The following GRM5 variants were observed in gnomAD, a reference collection of about 807,000 sequenced individuals.
GRM5 encodes metabotropic glutamate receptor 5.
Under a neutral mutation model 83.1 loss-of-function variants are expected in GRM5, and 19 were observed. The ratio of observed to expected loss-of-function variants is 0.23; its 90% confidence interval spans 0.16 to 0.34. GRM5 has a LOEUF of 0.34. Ranked by LOEUF, GRM5 falls within the 10% of genes least tolerant of loss-of-function variation. GRM5 has a pLI of 1.00. For missense variants in GRM5, 1,160 were observed against 1,588.3 expected (o/e 0.73, Z 4.58); for synonymous variants, 675 against 633.6 (o/e 1.07, Z -0.98).
chr11:88,650,747 A>C (rs1939610245), intron 4 of GRM5, among the ~76,000 whole-genome samples: 1 of 152,028 alleles, frequency 6.6e-6, no homozygotes, highest in South Asian at 2.1e-4. Flanking sequence ...TATATAATGC[A>C]GATTTGATGG....
At chr11:88,806,674 T>G (rs994566638) in intron 3 of GRM5, among the ~76,000 whole-genome samples, 1 of 152,176 alleles carries the variant, frequency 6.6e-6, no homozygotes, top group Non-Finnish European at 1.5e-5. Context: ...TACCTAATTA[T>G]GGAGTAGATC....
At chr11:88,888,452 G>A (rs973322170) in intron 2 of GRM5, among the ~76,000 whole-genome samples, 1 of 152,126 alleles carries the variant, frequency 6.6e-6, no homozygotes, top group African/African-American at 2.4e-5. Flanking sequence ...CTAATGGGAA[G>A]CCCCAGACTC....
Position 88,665,162 on chromosome 11 carries a change from T to TACACACACACACACATAC in GRM5, c.912-11760_912-11759insGTATGTGTGTGTGTGTGT, listed in dbSNP as rs1554990145. 8.7e-4 allele frequency among the ~76,000 whole-genome samples: 123 copies of TACACACACACACACATAC among 141,008 alleles called. 1 individual carries two copies. Among genetic ancestry groups the TACACACACACACACATAC allele is most frequent in the Middle Eastern group, 3.5e-3 (1 of 282 alleles). The allele number at this position is 141,008 out of a possible 152,430, so 92.5% of individuals were successfully genotyped here. On this transcript the variant is annotated intron_variant, in intron 3 of 9. Transcript: ENST00000305447. ...GATAGAAGAGATAATTTAATTTATT[T>TACACACACACACACATAC]ACACACACACACACACACACACACA...
intron 3 of GRM5, among the ~76,000 whole-genome samples, chr11:88,777,662 T>A (rs968810502): frequency 6.6e-6 from 1 of 152,368 alleles, no homozygotes; most frequent in Admixed American, 6.5e-5. Flanking sequence ...TTTCTTTGTG[T>A]TTGTTAGTTT....
intron 3 of GRM5, among the ~76,000 whole-genome samples, chr11:88,658,453 T>C (rs1459280495): frequency 6.6e-6 from 1 of 152,156 alleles, no homozygotes; most frequent in Non-Finnish European, 1.5e-5. Context: ...AAAATGCAAT[T>C]GACAGCATCA....
chr11:89,016,766 A>C (rs1003179990), intron 2 of GRM5, among the ~76,000 whole-genome samples: 2 of 152,138 alleles, frequency 1.3e-5, no homozygotes, highest in Non-Finnish European at 2.9e-5. Flanking sequence ...GGCTCCTGAA[A>C]TTTAGTATAT....
At chr11:88,751,094 AAC>A (rs1231301830) in intron 3 of GRM5, among the ~76,000 whole-genome samples, 165 of 139,430 alleles carry the variant, frequency 1.2e-3, no homozygotes, top group African/African-American at 4.2e-3. Context: ...AAAAAAAAAA[AAC>A]AAAGAACAAA....
rs575499344 is a variant in GRM5 at position 88,862,104 on chromosome 11, T to C, written c.662-11949A>G. 7.9e-5 allele frequency among the ~76,000 whole-genome samples: 12 copies of C among 152,290 alleles called. No individual in the cohort carries two copies. In the South Asian group the frequency reaches 2.5e-3, roughly 32 times the overall value. ...TCATTGTGATATAAAAGCACTAAAC[T>C]GGGCTAAGATAAGATATATTATCAA... is the stretch of plus-strand genomic sequence containing the variant. On this transcript the variant is annotated intron_variant, in intron 2 of 9. Coordinates refer to ENST00000305447, the MANE Select transcript of GRM5 (RefSeq NM_001143831.3).
At chr11:88,992,302 G>C (rs1591028434) in intron 2 of GRM5, among the ~76,000 whole-genome samples, 1 of 151,910 alleles carries the variant, frequency 6.6e-6, no homozygotes, top group African/African-American at 2.4e-5. Flanking sequence ...AAATGTAAAT[G>C]AAAACCACAA....
chr11:88,506,560 GC>G lies in GRM5; in HGVS notation c.*2031del, dbSNP rs1213864428. The G allele has an allele frequency of 1.3e-5, 2 of 152,114 alleles. No individual in the cohort carries two copies. The highest frequency in any genetic ancestry group is 2.9e-5 in the Non-Finnish European group (2 of 68,020). 9.4% of individuals were successfully genotyped at this position (152,114 alleles called of 1,614,324 possible). A position where few individuals can be genotyped will look rare whatever the true frequency, so the allele number is the denominator to read the frequency against. On this transcript the variant is annotated 3_prime_UTR_variant, in exon 10 of 10. Coordinates refer to ENST00000305447, the MANE Select transcript of GRM5 (RefSeq NM_001143831.3). ...GCTAGATTTCACTTACATTTTAAAAGCCTCGGTGTAATATTTGGGATCAGGG... is the reference window on the plus strand; with the variant it reads ...GCTAGATTTCACTTACATTTTAAAAGCTCGGTGTAATATTTGGGATCAGGG...
chr11:88,579,820 A>G (rs770288643), intron 7 of GRM5, among the ~76,000 whole-genome samples: 3 of 152,204 alleles, frequency 2.0e-5, no homozygotes, highest in African/African-American at 4.8e-5. Flanking sequence ...ATGGAGTAAC[A>G]TGACCTGGCT....
chr11:88,583,564 G>T (rs752050276), intron 7 of GRM5, among the ~76,000 whole-genome samples: 4 of 152,142 alleles, frequency 2.6e-5, no homozygotes, highest in Non-Finnish European at 5.9e-5. Context: ...GGCTATTTTT[G>T]CTCTTTCCTT....
chr11:89,059,524 C>A (rs939009143), intron 1 of GRM5, among the ~76,000 whole-genome samples: 4 of 151,844 alleles, frequency 2.6e-5, no homozygotes, highest in African/African-American at 9.7e-5. Flanking sequence ...TCAGATGATC[C>A]TAGATTTAAA....
chr11:88,575,552 G>A (rs1389224226), intron 7 of GRM5, among the ~76,000 whole-genome samples: 1 of 152,184 alleles, frequency 6.6e-6, no homozygotes, highest in East Asian at 1.9e-4. Context: ...GCTAGTGGTG[G>A]CATAAATATT....
At chr11:88,690,363 A>T (rs1316667447) in intron 3 of GRM5, among the ~76,000 whole-genome samples, 1 of 152,158 alleles carries the variant, frequency 6.6e-6, no homozygotes, top group East Asian at 1.9e-4. Context: ...AAACTCCATC[A>T]TTATGGGAAG....
intron 3 of GRM5, among the ~76,000 whole-genome samples, chr11:88,783,542 T>C (rs1200091750): frequency 6.6e-6 from 1 of 152,100 alleles, no homozygotes; most frequent in Non-Finnish European, 1.5e-5. Context: ...ATGTCATAGT[T>C]TGAGCAGCAA....
intron 2 of GRM5, among the ~76,000 whole-genome samples, chr11:88,923,080 T>C (rs1424379112): frequency 6.6e-6 from 1 of 151,984 alleles, no homozygotes; most frequent in African/African-American, 2.4e-5. Context: ...AAATAACAAA[T>C]GCTGGCAAGT....
chr11:89,002,037 G>C (rs536657123), intron 2 of GRM5, among the ~76,000 whole-genome samples: 2 of 152,208 alleles, frequency 1.3e-5, no homozygotes, highest in African/African-American at 4.8e-5. Context: ...CTGGAAATAT[G>C]GTTGATAACA....
chr11:89,058,213 A>G (rs1591084865), intron 1 of GRM5, among the ~76,000 whole-genome samples: 1 of 152,218 alleles, frequency 6.6e-6, no homozygotes, highest in Non-Finnish European at 1.5e-5. Context: ...CAAATCAAGT[A>G]AATATAGGAA....
Sources: allele counts gnomAD v4.1 joint callset (sites outside exome capture counted in the v4.1 genomes callset), GRCh38; gene constraint gnomAD v4.1.1; transcripts MANE v1.5; gene names NCBI Gene and HGNC (gene_info 2026-07-23, HGNC 2026-07-21).